The following DPYD variants were observed in gnomAD, a reference collection of about 807,000 sequenced individuals.
The protein encoded by DPYD is dihydropyrimidine dehydrogenase [NADP(+)].
A neutral mutation model predicts 116.2 loss-of-function variants in DPYD; 109 were observed. The observed-to-expected ratio is 0.94, with a 90% CI of 0.80 to 1.10. The LOEUF is 1.10. DPYD is among the 50% of genes least tolerant of loss of function. The pLI is 0.00. For synonymous variants in DPYD, 440 were observed against 432.0 expected, an observed-to-expected ratio of 1.02 and a Z score of -0.23; for missense variants, 1,302 against 1,254.5, an observed-to-expected ratio of 1.04 and a Z score of -0.57.
At chr1:97,239,832 A>G (rs1662207243) in intron 18 of DPYD, among the ~76,000 whole-genome samples, 1 of 152,102 alleles carries the variant, frequency 6.6e-6, no homozygotes. Flanking sequence ...ATAAAATAAT[A>G]AAAATTGTAA....
chr1:97,917,367 T>C (rs929175226), intron 1 of DPYD, among the ~76,000 whole-genome samples: 1 of 152,214 alleles, frequency 6.6e-6, no homozygotes, highest in Non-Finnish European at 1.5e-5. Context: ...TGCCAATTTA[T>C]AACCCATGAC....
chr1:97,356,514 C>T (rs1211227139), intron 16 of DPYD, among the ~76,000 whole-genome samples: 2 of 152,152 alleles, frequency 1.3e-5, no homozygotes, highest in Admixed American at 6.6e-5. Context: ...ATTTGCTGTT[C>T]TGCAGCCTCC....
In DPYD at chr1:97,078,609, T is replaced by G. The variant is rs1648948533; in HGVS notation, c.*367A>C. ...AGTACTTTGTTTCAAAATGCTTAAT[T>G]TCACTTACAATTAGAAATCAAATAT... On this transcript the variant is annotated 3_prime_UTR_variant, in exon 23 of 23. Coordinates refer to ENST00000370192, the MANE Select transcript of DPYD (RefSeq NM_000110.4). The G allele has an allele frequency of 3.8e-6, 1 of 261,068 alleles. No homozygotes were observed. The highest frequency in any genetic ancestry group is 7.5e-6 in the Non-Finnish European group (1 of 133,202). 16.2% of individuals were successfully genotyped at this position (261,068 alleles called of 1,614,324 possible). A position where few individuals can be genotyped will look rare whatever the true frequency, so the allele number is the denominator to read the frequency against.
At chr1:97,883,995 T>C in intron 1 of DPYD, 1 of 297,002 alleles carries the variant, frequency 3.4e-6, no homozygotes, top group East Asian at 1.1e-4. Flanking sequence ...AGTGAGAAGA[T>C]ATACTTGTCT....
chr1:97,753,453 C>G (rs565748903), intron 3 of DPYD, among the ~76,000 whole-genome samples: 1 of 152,300 alleles, frequency 6.6e-6, no homozygotes, highest in East Asian at 1.9e-4. Context: ...TTGACTTGCT[C>G]TACAGACCAG....
chr1:97,685,473 G>A (rs1359148427), intron 7 of DPYD, among the ~76,000 whole-genome samples: 1 of 152,130 alleles, frequency 6.6e-6, no homozygotes. Context: ...TTTCAACACA[G>A]TATTGGAAGC....
At chr1:97,653,459 C>T (rs1557862849) in intron 8 of DPYD, among the ~76,000 whole-genome samples, 2 of 152,002 alleles carry the variant, frequency 1.3e-5, no homozygotes, top group Non-Finnish European at 1.5e-5. Flanking sequence ...CACGTGCCAA[C>T]ACGTCCAGCT....
At chr1:97,840,490 C>T (rs1045557941) in intron 2 of DPYD, among the ~76,000 whole-genome samples, 14 of 152,118 alleles carry the variant, frequency 9.2e-5, no homozygotes, top group South Asian at 8.3e-4. Flanking sequence ...GGATGAATAT[C>T]AACAATATTC....
In DPYD at chr1:97,641,750, G is replaced by T. The variant is rs192711791; in HGVS notation, c.850+37345C>A. Among the ~76,000 whole-genome samples, 4 of 152,144 alleles carry T rather than the reference G, an allele frequency of 2.6e-5. No homozygotes were observed. The East Asian group carries it at 5.8e-4, about 22-fold the overall frequency. On this transcript the variant is annotated intron_variant, in intron 8 of 22. Transcript: ENST00000370192. The stretch of plus-strand genomic sequence containing the variant: ...ACACAGTATTGGAAGTTCTGGCCAG[G>T]GCAATCAGGCAAGAGAAAGAAATAA...
At chr1:97,855,561 T>G (rs1670791182) in intron 2 of DPYD, 1 of 152,160 alleles carries the variant, frequency 6.6e-6, no homozygotes, top group African/African-American at 2.4e-5. Flanking sequence ...TTACTTGGGC[T>G]TATATTAAAG....
At chr1:97,821,606 T>C (rs912556065) in intron 3 of DPYD, among the ~76,000 whole-genome samples, 1 of 152,130 alleles carries the variant, frequency 6.6e-6, no homozygotes, top group South Asian at 2.1e-4. Flanking sequence ...AAAATGCTTT[T>C]TCTTTGATTA....
chr1:97,826,253 G>A (rs577888378), intron 3 of DPYD, among the ~76,000 whole-genome samples: 6 of 152,102 alleles, frequency 3.9e-5, no homozygotes, highest in African/African-American at 1.2e-4. Flanking sequence ...TATGTATAAC[G>A]AAATTTGGCA....
chr1:97,728,111 C>A (rs192858586), intron 4 of DPYD, among the ~76,000 whole-genome samples: 53 of 151,930 alleles, frequency 3.5e-4, no homozygotes, highest in African/African-American at 9.6e-4. Context: ...TTTTTTTGTG[C>A]ATAGAGATAT....
intron 1 of DPYD, among the ~76,000 whole-genome samples, chr1:97,918,465 G>GAT (rs1674336718): frequency 6.6e-6 from 1 of 152,140 alleles, no homozygotes; most frequent in Non-Finnish European, 1.5e-5. Context: ...TAATGAGCTA[G>GAT]GTCCTATTAC....
At chr1:97,712,129 A>G in intron 5 of DPYD, among the ~76,000 whole-genome samples, 1 of 151,940 alleles carries the variant, frequency 6.6e-6, no homozygotes. Flanking sequence ...AAAATTTTCC[A>G]CCATAACTGC....
At chr1:97,441,289 T>C (rs1458843167) in intron 14 of DPYD, among the ~76,000 whole-genome samples, 2 of 152,098 alleles carry the variant, frequency 1.3e-5, no homozygotes, top group Non-Finnish European at 2.9e-5. Flanking sequence ...TTTCTTGAAA[T>C]TTTTTTCTGT....
At chr1:97,691,872 T>A in intron 6 of DPYD, 74 bp from the exon 7 acceptor site, 1 of 1,178,220 alleles carries the variant, frequency 8.5e-7, no homozygotes. Flanking sequence ...TAAAAAAAGG[T>A]AACATGTCTT....
chr1:97,158,051 A>C (rs891676210), intron 20 of DPYD, among the ~76,000 whole-genome samples: 21 of 152,092 alleles, frequency 1.4e-4, no homozygotes, highest in African/African-American at 5.1e-4. Context: ...TTCATTCCTC[A>C]GTTAACAAAA....
chr1:97,141,873 C>T (rs1460165701), intron 20 of DPYD, among the ~76,000 whole-genome samples: 1 of 152,088 alleles, frequency 6.6e-6, no homozygotes, highest in Non-Finnish European at 1.5e-5. Flanking sequence ...CCTCCGGGGT[C>T]AGGGGAGGAG....
Sources: gnomAD v4.1 joint callset for allele counts (sites outside exome capture counted in the v4.1 genomes callset) on GRCh38, gnomAD v4.1.1 for gene constraint, MANE v1.5 for transcripts, NCBI Gene and HGNC (gene_info 2026-07-23, HGNC 2026-07-21) for gene names.